MCTP2: variants seen among roughly 807,000 people sequenced by gnomAD.
The protein encoded by MCTP2 is multiple C2 and transmembrane domain-containing protein 2.
Under a neutral mutation model 111.6 loss-of-function variants are expected in MCTP2, and 132 were observed. The ratio of observed to expected loss-of-function variants is 1.18; its 90% CI spans 1.03 to 1.37. The LOEUF (loss-of-function observed/expected upper bound fraction) is 1.37, where lower values mean the gene tolerates loss of function less well. MCTP2 is among the 40% of genes most tolerant of loss of function. The pLI, the probability that MCTP2 is intolerant of heterozygous loss-of-function variation, is 0.00. For synonymous variants in MCTP2, 395 were observed against 387.7 expected, an observed-to-expected ratio of 1.02 and a Z score of -0.22; for missense variants, 1,183 against 1,067.9, an observed-to-expected ratio of 1.11 and a Z score of -1.50.
intron 20 of MCTP2, among the ~76,000 whole-genome samples, chr15:94,461,557 A>T (rs1030642829): frequency 6.6e-6 from 1 of 152,144 alleles, no homozygotes; most frequent in Non-Finnish European, 1.5e-5. Flanking sequence ...TTCTATCATT[A>T]TGGAGTGAGG....
intron 1 of MCTP2, among the ~76,000 whole-genome samples, chr15:94,248,333 C>T (rs1442111679): frequency 6.6e-6 from 1 of 152,170 alleles, no homozygotes; most frequent in Non-Finnish European, 1.5e-5. Flanking sequence ...AGGCATTACC[C>T]TTCCACCAAG....
At chr15:94,328,209 G>A (rs57102419) in intron 4 of MCTP2, among the ~76,000 whole-genome samples, 8,285 of 150,166 alleles carry the variant, frequency 0.055, 776 homozygotes, top group African/African-American at 0.19. Context: ...GCTCACTGCA[G>A]GCTCTGCCTC....
At chr15:94,472,472 CA>C (rs1329600456) in intron 21 of MCTP2, among the ~76,000 whole-genome samples, 1 of 152,272 alleles carries the variant, frequency 6.6e-6, no homozygotes, top group Non-Finnish European at 1.5e-5. Flanking sequence ...TCTCTATATC[CA>C]AATCACCTTG....
At chr15:94,320,048 T>G (rs956981309) in intron 4 of MCTP2, among the ~76,000 whole-genome samples, 10 of 152,150 alleles carry the variant, frequency 6.6e-5, no homozygotes, top group African/African-American at 2.4e-4. Context: ...TTTACCTTTA[T>G]AAAACATATA....
At chr15:94,388,283 C>G (rs988039106) in intron 14 of MCTP2, among the ~76,000 whole-genome samples, 1 of 152,150 alleles carries the variant, frequency 6.6e-6, no homozygotes, top group Non-Finnish European at 1.5e-5. Flanking sequence ...CTTCGGGGGA[C>G]CCTGGCATGG....
intron 14 of MCTP2, among the ~76,000 whole-genome samples, chr15:94,397,456 T>C (rs1247256075): frequency 6.6e-6 from 1 of 152,214 alleles, no homozygotes; most frequent in African/African-American, 2.4e-5. Context: ...CAGGCTGTTT[T>C]TGTATTTATT....
At chr15:94,367,828 C>T (rs752873470) in intron 11 of MCTP2, 37 bp downstream of exon 11, 2 of 1,524,236 alleles carry the variant, frequency 1.3e-6, no homozygotes, top group South Asian at 2.5e-5. Context: ...CCCCCTCCTC[C>T]CACCTTCTCT....
chr15:94,310,400 G>A (rs2076070465), intron 2 of MCTP2, among the ~76,000 whole-genome samples: 1 of 152,112 alleles, frequency 6.6e-6, no homozygotes, highest in African/African-American at 2.4e-5. Context: ...GATTGTGGTG[G>A]GGGTTATACA....
At chr15:94,415,819 T>G (rs902001165) in intron 17 of MCTP2, among the ~76,000 whole-genome samples, 7 of 152,176 alleles carry the variant, frequency 4.6e-5, no homozygotes, top group Non-Finnish European at 1.0e-4. Context: ...TAACTCAATC[T>G]TGTGTGTCTG....
rs1409038358 is a variant in MCTP2 at position 94,464,240 on chromosome 15, A to ATATATATATATATATAT, written c.2360+6012_2360+6028dup. 4.9e-4 allele frequency among the ~76,000 whole-genome samples: 31 copies of ATATATATATATATATAT among 62,652 alleles called. 1 individual carries two copies. The highest frequency in any genetic ancestry group is 2.0e-3 in the African/African-American group (31 of 15,472). The allele number at this position is 62,652 out of a possible 152,430, so 41.1% of individuals were successfully genotyped here. On this transcript the variant is annotated intron_variant, in intron 20 of 22. Coordinates refer to ENST00000357742, the MANE Select transcript of MCTP2 (RefSeq NM_001385001.1). ...GAAATATTATATGTTTATATATATAATATATATATATATATATTATATATA... is the reference window on the plus strand; with the variant it reads ...GAAATATTATATGTTTATATATATAATATATATATATATATATTATATATATATATATATTATATATA...
chr15:94,323,091 G>A (rs1289376439), intron 4 of MCTP2, among the ~76,000 whole-genome samples: 1 of 152,196 alleles, frequency 6.6e-6, no homozygotes, highest in Non-Finnish European at 1.5e-5. Context: ...CACAGAGCTG[G>A]TATGTTAAGC....
At chr15:94,243,974 T>C (rs536978296) in intron 1 of MCTP2, among the ~76,000 whole-genome samples, 3 of 147,802 alleles carry the variant, frequency 2.0e-5, no homozygotes, top group Admixed American at 6.7e-5. Context: ...CACACATATG[T>C]ATACACATAC....
rs1420857197 is a variant in MCTP2, at chr15:94,339,254, T to G, written c.638-36T>G. On this transcript the variant is annotated intron_variant, in intron 4 of 22. Coordinates refer to ENST00000357742, the MANE Select transcript of MCTP2 (RefSeq NM_001385001.1). ...GAAAGTCCCAGGCTTTTACATGTAT[T>G]TTAAAATTCTGTCTTGTTTTCTTTT... The G allele has an allele frequency of 2.0e-6, 3 of 1,510,928 alleles. 1 individual carries two copies. In the Admixed American group the frequency reaches 5.9e-5, roughly 30 times the overall value. 93.6% of individuals were successfully genotyped at this position (1,510,928 alleles called of 1,614,324 possible).
chr15:94,245,232 G>A (rs1381515303), intron 1 of MCTP2, among the ~76,000 whole-genome samples: 4 of 136,754 alleles, frequency 2.9e-5, no homozygotes, highest in African/African-American at 5.3e-5. Context: ...ATATACATAT[G>A]TATGTATATA....
At chr15:94,264,626 A>G (rs1289321203) in intron 1 of MCTP2, among the ~76,000 whole-genome samples, 2 of 151,610 alleles carry the variant, frequency 1.3e-5, no homozygotes, top group Non-Finnish European at 2.9e-5. Context: ...AGAAAAAAAA[A>G]TTGTCTACTT....
chr15:94,400,514 G>A (rs1365385348), intron 16 of MCTP2, among the ~76,000 whole-genome samples: 2 of 151,778 alleles, frequency 1.3e-5, no homozygotes, highest in Admixed American at 6.6e-5. Flanking sequence ...CTGAATGCAA[G>A]TTCTCTCCCT....
intron 1 of MCTP2, among the ~76,000 whole-genome samples, chr15:94,244,996 A>T (rs1237520590): frequency 6.7e-6 from 1 of 149,518 alleles, no homozygotes; most frequent in East Asian, 2.0e-4. Flanking sequence ...ACCTGTTTAT[A>T]TACGTATATG....
intron 1 of MCTP2, among the ~76,000 whole-genome samples, chr15:94,277,860 C>G (rs1028978734): frequency 6.6e-6 from 1 of 152,140 alleles, no homozygotes; most frequent in African/African-American, 2.4e-5. Context: ...ATTGGTTCAA[C>G]AATTGTATTA....
At chr15:94,253,714 T>C (rs905294704) in intron 1 of MCTP2, among the ~76,000 whole-genome samples, 7 of 151,356 alleles carry the variant, frequency 4.6e-5, no homozygotes, top group African/African-American at 1.5e-4. Context: ...ACTGTAATAG[T>C]CTCTCTCTTA....
Sources: allele counts gnomAD v4.1 joint callset (sites outside exome capture counted in the v4.1 genomes callset), GRCh38; gene constraint gnomAD v4.1.1; transcripts MANE v1.5; gene names NCBI Gene and HGNC (gene_info 2026-07-23, HGNC 2026-07-21).